The following ARMC3 variants were observed in gnomAD, a reference collection of about 807,000 sequenced individuals.
The protein encoded by ARMC3 is armadillo repeat-containing protein 3.
A neutral mutation model predicts 90.3 loss-of-function variants in ARMC3; 74 were observed. That is an observed-to-expected ratio of 0.82 (90% CI 0.68 to 0.99). The LOEUF (loss-of-function observed/expected upper bound fraction) is 0.99. Among genes scored for constraint, ARMC3 ranks in the 50% least tolerant of loss-of-function variants. ARMC3 has a pLI of 0.00. For synonymous variants in ARMC3, 334 were observed against 361.8 expected, an observed-to-expected ratio of 0.92 and a Z score of 0.87; for missense variants, 958 against 1,042.8, an observed-to-expected ratio of 0.92 and a Z score of 1.12.
At chr10:23,022,701 T>C (rs1342558987) in intron 16 of ARMC3, among the ~76,000 whole-genome samples, 1 of 151,896 alleles carries the variant, frequency 6.6e-6, no homozygotes, top group Non-Finnish European at 1.5e-5. Flanking sequence ...ACTTCCCTTT[T>C]CCCCCTTCTA....
At chr10:23,023,198 C>T (rs1238263141) in intron 16 of ARMC3, among the ~76,000 whole-genome samples, 1 of 152,096 alleles carries the variant, frequency 6.6e-6, no homozygotes, top group African/African-American at 2.4e-5. Context: ...ACGGGGAAAC[C>T]CCTCGTATTC....
intron 10 of ARMC3, among the ~76,000 whole-genome samples, chr10:22,995,537 G>T (rs931401823): frequency 6.6e-6 from 1 of 152,036 alleles, no homozygotes; most frequent in Admixed American, 6.6e-5. Context: ...TAGAATCTTT[G>T]GTTTTTTAAA....
At chr10:22,957,286 A>T (rs1413955875) in intron 4 of ARMC3, among the ~76,000 whole-genome samples, 1 of 152,094 alleles carries the variant, frequency 6.6e-6, no homozygotes, top group Non-Finnish European at 1.5e-5. Flanking sequence ...AGGGACAGTT[A>T]TGAGTGGAAG....
intron 2 of ARMC3, among the ~76,000 whole-genome samples, chr10:22,933,761 G>T (rs1485383847): frequency 5.9e-5 from 9 of 152,158 alleles, no homozygotes; most frequent in Admixed American, 5.2e-4. Context: ...GGCAGGCGCT[G>T]GTAGTCCCAG....
Position 23,037,467 on chromosome 10 carries a change from C to G in ARMC3, c.2607C>G (p.Tyr869Ter), listed in dbSNP as rs1195948653. The change falls in exon 19 of 19, where the codon TAC becomes TAG. Residue 869 changes from tyrosine to a stop codon, truncating the protein, a stop_gained. Transcript: ENST00000298032. LOFTEE classifies it high-confidence loss of function. The stretch of plus-strand genomic sequence containing the variant: ...TGAGAAGTCGAGAGGCTGATCTTTA[C>G]AGATTCATTTAAGCCATCAGACGAA... ...MKLRSREADL[Y>*]RFI is the part of the protein sequence containing the mutation. 6 of 1,613,018 alleles carry G rather than the reference C, an allele frequency of 3.7e-6. No individual in the cohort carries two copies. Among genetic ancestry groups the G allele is most frequent in the African/African-American group, 1.3e-5 (1 of 74,928 alleles).
At chr10:22,954,953 A>G (rs767437797) in intron 3 of ARMC3, among the ~76,000 whole-genome samples, 8 of 152,164 alleles carry the variant, frequency 5.3e-5, no homozygotes, top group Non-Finnish European at 1.0e-4. Flanking sequence ...TCTGCGTCCT[A>G]AGGCCAGAGA....
intron 8 of ARMC3, among the ~76,000 whole-genome samples, chr10:22,970,074 C>T (rs1165420790): frequency 1.3e-5 from 2 of 152,114 alleles, no homozygotes; most frequent in Non-Finnish European, 2.9e-5. Flanking sequence ...TCACCCAGAA[C>T]AGGAAAGTAA....
At chr10:22,974,897 C>T (rs1456234236) in intron 8 of ARMC3, among the ~76,000 whole-genome samples, 1 of 146,718 alleles carries the variant, frequency 6.8e-6, no homozygotes, top group Admixed American at 6.9e-5. Flanking sequence ...CTGCCTTGGC[C>T]TCCCGAAGTG....
intron 2 of ARMC3, among the ~76,000 whole-genome samples, chr10:22,932,441 G>A (rs1290760513): frequency 6.6e-6 from 1 of 152,142 alleles, no homozygotes; most frequent in Non-Finnish European, 1.5e-5. Context: ...ATATAAGGTT[G>A]TCTGGTGATG....
At chr10:22,978,314 A>G (rs936673384) in intron 8 of ARMC3, among the ~76,000 whole-genome samples, 1 of 152,208 alleles carries the variant, frequency 6.6e-6, no homozygotes, top group Non-Finnish European at 1.5e-5. Flanking sequence ...CATGGCAGTA[A>G]GCACCTCTTT....
chr10:23,004,313 C>T (rs982267022), intron 13 of ARMC3, among the ~76,000 whole-genome samples: 2 of 151,968 alleles, frequency 1.3e-5, no homozygotes, highest in African/African-American at 4.8e-5. Flanking sequence ...ATGTTAAAAA[C>T]CCACAAATCC....
intron 8 of ARMC3, among the ~76,000 whole-genome samples, chr10:22,969,150 G>A (rs1835573984): frequency 6.6e-6 from 1 of 152,118 alleles, no homozygotes; most frequent in African/African-American, 2.4e-5. Flanking sequence ...TCAAGTTTCA[G>A]CTGGAGTCTA....
At chr10:22,996,663 C>G (rs1382804764) in intron 10 of ARMC3, among the ~76,000 whole-genome samples, 1 of 152,130 alleles carries the variant, frequency 6.6e-6, no homozygotes, top group Admixed American at 6.5e-5. Flanking sequence ...GAGCTGCTGT[C>G]CCTCTTCATT....
At chr10:23,031,806 G>T (rs1056749120) in intron 17 of ARMC3, among the ~76,000 whole-genome samples, 1 of 151,946 alleles carries the variant, frequency 6.6e-6, no homozygotes, top group Admixed American at 6.6e-5. Context: ...CATGGCTCTG[G>T]TTCCCTGCCA....
intron 6 of ARMC3, 132 bp from the exon 7 acceptor site, chr10:22,961,752 T>C (rs1835203320): frequency 1.4e-6 from 1 of 707,966 alleles, no homozygotes; most frequent in African/African-American, 1.8e-5. Context: ...TTTTGAGTTA[T>C]TTTGGAAGGG....
chr10:22,952,808 A>G (rs1229525070), intron 3 of ARMC3, among the ~76,000 whole-genome samples: 1 of 152,246 alleles, frequency 6.6e-6, no homozygotes, highest in Non-Finnish European at 1.5e-5. Context: ...TCAACAATGT[A>G]TAAAAAAAGC....
intron 2 of ARMC3, among the ~76,000 whole-genome samples, chr10:22,938,044 G>A (rs1030672511): frequency 2.6e-5 from 4 of 152,146 alleles, no homozygotes; most frequent in Non-Finnish European, 2.9e-5. Flanking sequence ...TATAATTCAG[G>A]TAGTGATACG....
intron 8 of ARMC3, among the ~76,000 whole-genome samples, chr10:22,971,729 C>T (rs962288194): frequency 1.3e-5 from 2 of 150,100 alleles, no homozygotes; most frequent in Non-Finnish European, 3.0e-5. Flanking sequence ...GTGTGAGCCA[C>T]CATGCCCGTC....
intron 11 of ARMC3, among the ~76,000 whole-genome samples, chr10:22,999,318 C>T (rs779243170): frequency 1.3e-5 from 2 of 152,176 alleles, no homozygotes; most frequent in African/African-American, 2.4e-5. Flanking sequence ...GAGGTGGAGG[C>T]AGGCGGATTG....
Sources: gnomAD v4.1 joint callset for allele counts (sites outside exome capture counted in the v4.1 genomes callset) on GRCh38, gnomAD v4.1.1 for gene constraint, MANE v1.5 for transcripts, NCBI Gene and HGNC (gene_info 2026-07-23, HGNC 2026-07-21) for gene names.